ZNF716: variants seen among roughly 807,000 people sequenced by gnomAD.
ZNF716 encodes the protein zinc finger protein 716.
Under a neutral mutation model 13.4 loss-of-function variants are expected in ZNF716, and 9 were observed. The ratio of observed to expected loss-of-function variants is 0.67; its 90% CI spans 0.41 to 1.18. The LOEUF is 1.18. Among genes scored for constraint, ZNF716 ranks in the 50% most tolerant of loss-of-function variants. The pLI is 0.01. For synonymous variants in ZNF716, 186 were observed against 195.2 expected (o/e 0.95, Z 0.39); for missense variants, 581 against 576.6 (o/e 1.01, Z -0.08).
intron 1 of ZNF716, among the ~76,000 whole-genome samples, chr7:57,458,547 C>T (rs11974497): frequency 0.012 from 1,774 of 152,112 alleles, 36 homozygotes; most frequent in African/African-American, 0.041. Context: ...CTCAGCCTCC[C>T]GAATAGCGGG....
rs1413710478 is a variant in ZNF716 at position 57,470,168 on chromosome 7, T to A, written c.*219T>A. 2.4e-5 allele frequency: 10 copies of A among 424,780 alleles called. No individual in the cohort carries two copies. The highest frequency in any genetic ancestry group is 9.3e-5 in the East Asian group (2 of 21,598). The allele number at this position is 424,780 out of a possible 1,614,324, so 26.3% of individuals were successfully genotyped here. A position where few individuals can be genotyped will look rare whatever the true frequency, so the allele number is the denominator to read the frequency against. ...CTTAATGAACCCAAGAGAATTTATTTAAAAAAATTTTTTTGAGACAGAGTC... is the reference window on the plus strand; with the variant it reads ...CTTAATGAACCCAAGAGAATTTATTAAAAAAAATTTTTTTGAGACAGAGTC... On this transcript the variant is annotated 3_prime_UTR_variant, in exon 4 of 4. Coordinates refer to ENST00000420713, the MANE Select transcript of ZNF716 (RefSeq NM_001159279.1).
At chr7:57,455,799 T>G (rs1400162761) in intron 1 of ZNF716, among the ~76,000 whole-genome samples, 1 of 152,168 alleles carries the variant, frequency 6.6e-6, no homozygotes, top group East Asian at 1.9e-4. Context: ...ATTACAGACA[T>G]GAGCCGTCGC....
chr7:57,456,940 G>T (rs1789603251), intron 1 of ZNF716, among the ~76,000 whole-genome samples: 1 of 152,042 alleles, frequency 6.6e-6, no homozygotes, highest in Non-Finnish European at 1.5e-5. Context: ...AAAACTTAGA[G>T]AAAAGGAATT....
intron 3 of ZNF716, among the ~76,000 whole-genome samples, chr7:57,463,906 A>G (rs148694415): frequency 2.6e-3 from 392 of 152,124 alleles, no homozygotes; most frequent in African/African-American, 8.2e-3. Flanking sequence ...ACAGGTTTCA[A>G]TTGCTTTACA....
chr7:57,468,872 G>T lies in ZNF716; in HGVS notation c.411G>T (p.Val137=). Residue 137 remains valine, a synonymous_variant, in exon 4 of 4, where the codon GTG becomes GTT. Transcript: ENST00000420713. ...GTAAAAGTGTAGGTGAGTGTGAGGT[G>T]CACAAAGGAGGTTATAATTATGTTA... ...KCCKSVGECE[V]HKGGYNYVNQ... 1 of 1,613,548 alleles carries T rather than the reference G, an allele frequency of 6.2e-7. No individual in the cohort carries two copies. Among genetic ancestry groups the T allele is most frequent in the Non-Finnish European group, 8.5e-7 (1 of 1,179,746 alleles).
At chr7:57,460,394 C>CAAAAA (rs71565809) in intron 1 of ZNF716, among the ~76,000 whole-genome samples, 5 of 85,492 alleles carry the variant, frequency 5.8e-5, no homozygotes, top group East Asian at 7.7e-4. Context: ...GACTGTGTCT[C>CAAAAA]AAAAAAAAAA....
chr7:57,453,328 G>A lies in ZNF716; in HGVS notation c.39+3001G>A, dbSNP rs541243807. ...GCATGGGAGACTCTCTCAAGTGATT[G>A]GACGGTTTGATTTGACACATGAGTC... is the stretch of plus-strand genomic sequence containing the variant. On this transcript the variant is annotated intron_variant, in intron 1 of 3. Coordinates refer to ENST00000420713, the MANE Select transcript of ZNF716 (RefSeq NM_001159279.1). 2.6e-5 allele frequency among the ~76,000 whole-genome samples: 4 copies of A among 152,274 alleles called. No homozygotes were observed. The East Asian group carries it at 7.8e-4, about 30-fold the overall frequency.
chr7:57,468,937 C>T lies in ZNF716; in HGVS notation c.476C>T (p.Thr159Ile). 1 of 1,611,240 alleles carries T rather than the reference C, an allele frequency of 6.2e-7. No homozygotes were observed. Among genetic ancestry groups the T allele is most frequent in the South Asian group, 1.1e-5 (1 of 90,934 alleles). Residue 159 changes from threonine (T) to isoleucine (I), a missense_variant, in exon 4 of 4, where the codon ACT becomes ATT. Transcript: ENST00000420713. ...LSATQNKTFQ[T>I]HKCVKVFGKF... ...GCTACCCAAAACAAAACATTTCAGA[C>T]TCATAAATGCGTCAAAGTCTTTGGT...
chr7:57,456,734 CAA>C (rs112840455), intron 1 of ZNF716, among the ~76,000 whole-genome samples: 2 of 133,708 alleles, frequency 1.5e-5, no homozygotes, highest in East Asian at 2.1e-4. Flanking sequence ...GACTGCATTT[CAA>C]AAAAAAAAAA....
rs1425585331 is a variant in ZNF716, at chr7:57,468,949, T to A, written c.488T>A (p.Val163Asp). 15 of 1,609,914 alleles carry A rather than the reference T, an allele frequency of 9.3e-6. No individual in the cohort carries two copies. The South Asian group carries it at 1.1e-4, about 12-fold the overall frequency. ...QNKTFQTHKC[V>D]KVFGKFSNSN... Reference sequence around the variant, plus strand: ...AAAACATTTCAGACTCATAAATGCGTCAAAGTCTTTGGTAAATTTTCAAAT... The same window carrying A: ...AAAACATTTCAGACTCATAAATGCGACAAAGTCTTTGGTAAATTTTCAAAT... Residue 163 changes from valine to aspartate, a missense_variant, in exon 4 of 4, where the codon GTC (valine) becomes GAC (aspartate). Val to Asp is a radical substitution (Grantham distance 152). Transcript: ENST00000420713.
Position 57,469,659 on chromosome 7 carries a change from A to G in ZNF716, c.1198A>G (p.Arg400Gly), listed in dbSNP as rs2116427054. The G allele has an allele frequency of 6.3e-7, 1 of 1,588,582 alleles. No homozygotes were observed. The highest frequency in any genetic ancestry group is 2.3e-5 in the East Asian group (1 of 42,752). ...ACCCTCAACCTTCACTTACCACAAG[A>G]GAACTCATACTGGAGAGAAACCCTA... ...SLPSTFTYHK[R>G]THTGEKPYKC... Residue 400 changes from arginine to glycine, a missense_variant, in exon 4 of 4, where the codon AGA (arginine) becomes GGA (glycine). Physicochemically the swap from Arg to Gly is moderately radical, Grantham distance 125. Transcript: ENST00000420713.
At position 57,463,841 on chromosome 7, in the gene ZNF716, A is replaced by G. The variant is rs569873596; in HGVS notation, c.262+673A>G. On this transcript the variant is annotated intron_variant, in intron 3 of 3. Transcript: ENST00000420713. ...AATTTCATTTTTAATTATTTGAAAA[A>G]CATTCATGATATTTTTTATGATGGC... Among the ~76,000 whole-genome samples the G allele has an allele frequency of 5.9e-5, 9 of 152,076 alleles. No individual in the cohort carries two copies. The East Asian group carries it at 1.7e-3, about 29-fold the overall frequency.
chr7:57,467,811 T>C (rs1365177184), intron 3 of ZNF716, among the ~76,000 whole-genome samples: 1 of 152,060 alleles, frequency 6.6e-6, no homozygotes, highest in Non-Finnish European at 1.5e-5. Context: ...TATTCTTATT[T>C]TTCTGATATT....
intron 1 of ZNF716, among the ~76,000 whole-genome samples, chr7:57,457,980 C>T (rs1789633561): frequency 1.3e-5 from 2 of 152,210 alleles, no homozygotes. Context: ...CTGCAAATGA[C>T]ATGATGTTGT....
At chr7:57,458,124 C>T (rs1468117074) in intron 1 of ZNF716, among the ~76,000 whole-genome samples, 1 of 152,156 alleles carries the variant, frequency 6.6e-6, no homozygotes, top group African/African-American at 2.4e-5. Flanking sequence ...AATATGTGTG[C>T]ATGTGTCTTC....
chr7:57,464,984 T>A (rs1554323835), intron 3 of ZNF716, among the ~76,000 whole-genome samples: 1 of 152,232 alleles, frequency 6.6e-6, no homozygotes, highest in Non-Finnish European at 1.5e-5. Flanking sequence ...CAGCTTTTTA[T>A]TATGATTTGA....
chr7:57,460,240 C>A (rs564889900), intron 1 of ZNF716, among the ~76,000 whole-genome samples: 1 of 151,858 alleles, frequency 6.6e-6, no homozygotes, highest in African/African-American at 2.4e-5. Context: ...ATTAAAAATA[C>A]AAAAATTAGC....
intron 1 of ZNF716, among the ~76,000 whole-genome samples, chr7:57,453,661 A>G (rs1419371089): frequency 3.9e-5 from 6 of 152,182 alleles, no homozygotes; most frequent in Non-Finnish European, 8.8e-5. Context: ...AGCTTTGCGA[A>G]TATTACCAAG....
chr7:57,452,814 C>G (rs1269753651), intron 1 of ZNF716, among the ~76,000 whole-genome samples: 1 of 152,072 alleles, frequency 6.6e-6, no homozygotes, highest in Non-Finnish European at 1.5e-5. Flanking sequence ...TTTCCTGGTT[C>G]TGGGTCTTAG....
Sources: gnomAD v4.1 joint callset for allele counts (sites outside exome capture counted in the v4.1 genomes callset) on GRCh38, gnomAD v4.1.1 for gene constraint, MANE v1.5 for transcripts, NCBI Gene and HGNC (gene_info 2026-07-23, HGNC 2026-07-21) for gene names.